Variants in RIMS2 observed in about 807,000 individuals in gnomAD.
The protein encoded by RIMS2 is regulating synaptic membrane exocytosis protein 2.
Under a neutral mutation model 174.4 loss-of-function variants are expected in RIMS2, and 59 were observed. The observed-to-expected ratio is 0.34, with a 90% CI of 0.27 to 0.42. The LOEUF (loss-of-function observed/expected upper bound fraction) is 0.42. Ranked by LOEUF, RIMS2 falls within the 10% of genes least tolerant of loss-of-function variation. RIMS2 has a pLI of 1.00. For missense variants in RIMS2, 1,620 were observed against 1,666.3 expected, an observed-to-expected ratio of 0.97 and a Z score of 0.48; for synonymous variants, 606 against 572.5, an observed-to-expected ratio of 1.06 and a Z score of -0.84.
chr8:103,911,996 T>C lies in RIMS2; in HGVS notation c.1693-57T>C. The stretch of plus-strand genomic sequence containing the variant: ...AGATCATTTGTCATAAAACGATAAA[T>C]AAAATCATTTATTTATTTTGTATTT... On this transcript the variant is annotated intron_variant, in intron 5 of 23. Transcript: ENST00000504942. The C allele has an allele frequency of 2.2e-6, 3 of 1,363,170 alleles. No individual in the cohort carries two copies. The South Asian group carries it at 4.2e-5, about 19-fold the overall frequency. 84.4% of individuals were successfully genotyped at this position (1,363,170 alleles called of 1,614,324 possible).
chr8:103,794,044 G>C (rs1366931979), intron 3 of RIMS2, among the ~76,000 whole-genome samples: 1 of 152,050 alleles, frequency 6.6e-6, no homozygotes, highest in Non-Finnish European at 1.5e-5. Context: ...TCCCCTTCAA[G>C]CTACCAATGA....
chr8:104,112,426 A>G (rs1007725318), intron 19 of RIMS2, among the ~76,000 whole-genome samples: 13 of 152,086 alleles, frequency 8.5e-5, no homozygotes, highest in African/African-American at 2.4e-4. Flanking sequence ...CCTATACTAT[A>G]TAGATATATT....
chr8:103,582,066 C>A (rs2093651120), intron 1 of RIMS2, among the ~76,000 whole-genome samples: 1 of 152,030 alleles, frequency 6.6e-6, no homozygotes, highest in East Asian at 1.9e-4. Context: ...GTGGGGAGGA[C>A]TTTGTCTTGC....
intron 19 of RIMS2, among the ~76,000 whole-genome samples, chr8:104,173,525 C>T (rs2441883): frequency 0.81 from 122,393 of 151,444 alleles, 49,905 homozygotes; most frequent in East Asian, 1. Context: ...TGAGAGTTTC[C>T]ATAATGTTAT....
chr8:103,783,509 G>A (rs560478795), intron 3 of RIMS2, among the ~76,000 whole-genome samples: 1 of 151,318 alleles, frequency 6.6e-6, no homozygotes, highest in Admixed American at 6.6e-5. Context: ...CTATGAGTGA[G>A]AATATGTGGT....
rs1462610888 is a variant in RIMS2, at chr8:103,945,520, A to G, written c.2701+2594A>G. 2.0e-5 allele frequency among the ~76,000 whole-genome samples: 3 copies of G among 152,108 alleles called. No homozygotes were observed. The East Asian group carries it at 5.8e-4, about 29-fold the overall frequency. ...CTACAGACCAATATTCCTCATGAAC[A>G]TACACACAGACATCTTCAACAAACT... is the stretch of plus-strand genomic sequence containing the variant. On this transcript the variant is annotated intron_variant, in intron 14 of 23. Coordinates refer to ENST00000504942, the Ensembl canonical transcript of RIMS2.
In RIMS2 at chr8:104,000,469, A is replaced by G. The variant is rs556124287; in HGVS notation, c.3044+11048A>G. Among the ~76,000 whole-genome samples, 7 of 151,876 alleles carry G rather than the reference A, an allele frequency of 4.6e-5. No individual in the cohort carries two copies. The South Asian group carries it at 8.3e-4, about 18-fold the overall frequency. ...TTATGCATTCATTTGTTGATGGACA[A>G]TTAGGTTGATTCCATATCTTGGCTA... On this transcript the variant is annotated intron_variant, in intron 17 of 23. Transcript: ENST00000504942.
At chr8:103,678,089 T>C (rs1361789991) in intron 1 of RIMS2, among the ~76,000 whole-genome samples, 1 of 152,202 alleles carries the variant, frequency 6.6e-6, no homozygotes, top group African/African-American at 2.4e-5. Flanking sequence ...AGCTGTAGGC[T>C]AAACTTAATT....
At chr8:103,592,023 A>T (rs958218351) in intron 1 of RIMS2, among the ~76,000 whole-genome samples, 1 of 151,244 alleles carries the variant, frequency 6.6e-6, no homozygotes, top group African/African-American at 2.4e-5. Flanking sequence ...AGAACTTCCA[A>T]TTCATGAATA....
chr8:104,093,713 T>C, intron 19 of RIMS2, 70 bp downstream of exon 24: 4 of 1,193,572 alleles, frequency 3.4e-6, no homozygotes, highest in Non-Finnish European at 4.6e-6. Context: ...CGGATGAACA[T>C]AAAATTATTT....
intron 3 of RIMS2, among the ~76,000 whole-genome samples, chr8:103,825,194 C>G (rs1347147655): frequency 1.3e-5 from 2 of 151,724 alleles, no homozygotes; most frequent in African/African-American, 2.4e-5. Flanking sequence ...ATTAGTTTTG[C>G]TTGTTCTAAA....
chr8:103,943,299 T>C (rs908776269), intron 14 of RIMS2, among the ~76,000 whole-genome samples: 3 of 152,142 alleles, frequency 2.0e-5, no homozygotes, highest in Non-Finnish European at 4.4e-5. Flanking sequence ...CCTCCTTTAT[T>C]ATTCTAGGTA....
At chr8:104,190,933 TTG>T (rs2136355751) in intron 19 of RIMS2, among the ~76,000 whole-genome samples, 1 of 110,272 alleles carries the variant, frequency 9.1e-6, no homozygotes, top group African/African-American at 4.1e-5. Flanking sequence ...TTCTCTTTTT[TTG>T]TTTTTTTTTT....
chr8:103,834,742 TTCTCTC>T (rs780656073), intron 3 of RIMS2, among the ~76,000 whole-genome samples: 47 of 109,426 alleles, frequency 4.3e-4, no homozygotes, highest in African/African-American at 7.7e-4. Context: ...CTTTCTTTCT[TTCTCTC>T]TCTTTCTTTT....
At chr8:103,594,232 G>A (rs10095409) in intron 1 of RIMS2, among the ~76,000 whole-genome samples, 27,542 of 151,364 alleles carry the variant, frequency 0.18, 2,753 homozygotes, top group African/African-American at 0.26. Context: ...CCTTTTTGTG[G>A]CCTATTTAGT....
intron 1 of RIMS2, among the ~76,000 whole-genome samples, chr8:103,558,202 A>G (rs548226656): frequency 1.3e-5 from 2 of 152,286 alleles, no homozygotes; most frequent in African/African-American, 4.8e-5. Flanking sequence ...AGGAAAAAAA[A>G]GAAACCTTGT....
At chr8:103,711,869 C>G (rs12675759) in intron 2 of RIMS2, among the ~76,000 whole-genome samples, 1 of 151,248 alleles carries the variant, frequency 6.6e-6, no homozygotes, top group Non-Finnish European at 1.5e-5. Context: ...GCACTCCAGC[C>G]TAAGCAACAG....
intron 19 of RIMS2, among the ~76,000 whole-genome samples, chr8:104,145,947 A>G (rs952216829): frequency 1.3e-5 from 2 of 151,782 alleles, no homozygotes; most frequent in East Asian, 1.9e-4. Flanking sequence ...AAGAAAAGGA[A>G]CCCTCGCTGC....
chr8:103,651,139 T>G (rs1465036436), intron 1 of RIMS2, among the ~76,000 whole-genome samples: 2 of 152,218 alleles, frequency 1.3e-5, no homozygotes, highest in Non-Finnish European at 2.9e-5. Context: ...TCCTGATCCA[T>G]GGGTTGCAAG....
Sources: allele counts gnomAD v4.1 joint callset (sites outside exome capture counted in the v4.1 genomes callset), GRCh38; gene constraint gnomAD v4.1.1; transcripts MANE v1.5; gene names NCBI Gene and HGNC (gene_info 2026-07-23, HGNC 2026-07-21).